SLC44A5: variants seen among roughly 807,000 people sequenced by gnomAD.
The protein encoded by SLC44A5 is solute carrier family 44 member 5.
In SLC44A5, 57 loss-of-function variants were observed where a neutral mutation model predicts 101.8. The ratio of observed to expected loss-of-function variants is 0.56; its 90% CI spans 0.45 to 0.70. The LOEUF is 0.70. Among genes scored for constraint, SLC44A5 ranks in the 30% least tolerant of loss-of-function variants. The pLI is 0.00. For synonymous variants in SLC44A5, 281 were observed against 290.9 expected, an observed-to-expected ratio of 0.97 and a Z score of 0.35; for missense variants, 737 against 853.1, an observed-to-expected ratio of 0.86 and a Z score of 1.70.
At chr1:75,597,737 T>C (rs1377939796) in intron 1 of SLC44A5, among the ~76,000 whole-genome samples, 1 of 152,198 alleles carries the variant, frequency 6.6e-6, no homozygotes, top group African/African-American at 2.4e-5. Context: ...TGGCTAGCCA[T>C]ATGCAGAAGA....
At chr1:75,548,098 A>T (rs1671749508) in intron 1 of SLC44A5, among the ~76,000 whole-genome samples, 1 of 152,164 alleles carries the variant, frequency 6.6e-6, no homozygotes, top group Admixed American at 6.6e-5. Flanking sequence ...TAAAATCCAG[A>T]TTCTGCACAA....
At chr1:75,554,764 G>A (rs967600498) in intron 1 of SLC44A5, among the ~76,000 whole-genome samples, 4 of 151,846 alleles carry the variant, frequency 2.6e-5, no homozygotes, top group African/African-American at 9.7e-5. Context: ...ATAAATTTAG[G>A]GTAGGGTGTA....
chr1:75,398,934 C>A (rs917540170), intron 2 of SLC44A5, among the ~76,000 whole-genome samples: 1 of 151,670 alleles, frequency 6.6e-6, no homozygotes, highest in African/African-American at 2.4e-5. Flanking sequence ...ATTCACCCTG[C>A]CTGCTTATAT....
chr1:75,238,629 C>T lies in SLC44A5; in HGVS notation c.540G>A (p.Gln180=), dbSNP rs1276186720. The change falls in exon 10 of 24, where the codon CAG becomes CAA. Residue 180 remains glutamine, a synonymous_variant. Transcript: ENST00000370859. ...TGGTAGAGAAGTCAGGGAAACATCT[C>T]TGGAGAACTGTAAAAATAAATTAAA... ...TAIFPSKPFL[Q]RCFPDFSTKN... 1.9e-6 allele frequency: 3 copies of T among 1,554,484 alleles called. No individual in the cohort carries two copies. The highest frequency in any genetic ancestry group is 2.4e-5 in the South Asian group (2 of 83,826).
In SLC44A5 at chr1:75,406,200, G is replaced by A. The variant is rs542827054; in HGVS notation, c.14-9579C>T. 1.9e-3 allele frequency among the ~76,000 whole-genome samples: 295 copies of A among 151,972 alleles called. 1 individual carries two copies. The highest frequency in any genetic ancestry group is 0.01 in the Middle Eastern group (3 of 294). On this transcript the variant is annotated intron_variant, in intron 2 of 23. Coordinates refer to ENST00000370859, the MANE Select transcript of SLC44A5 (RefSeq NM_001130058.2). ...CCCTTAATAGACCAATAACAAGTTC[G>A]GAAGTTGAGGCAATAATTAATAGCC...
At chr1:75,574,328 C>T (rs915921090) in intron 1 of SLC44A5, among the ~76,000 whole-genome samples, 19 of 152,264 alleles carry the variant, frequency 1.2e-4, no homozygotes, top group African/African-American at 4.3e-4. Context: ...CTAAACCATG[C>T]TATTTGGCTT....
intron 4 of SLC44A5, among the ~76,000 whole-genome samples, chr1:75,301,788 C>T (rs1184310412): frequency 1.3e-5 from 2 of 152,086 alleles, no homozygotes; most frequent in African/African-American, 4.8e-5. Context: ...ACTTAAGGTA[C>T]GTGAAAGAGG....
intron 5 of SLC44A5, among the ~76,000 whole-genome samples, chr1:75,284,046 G>A (rs1329593740): frequency 6.6e-6 from 1 of 151,972 alleles, no homozygotes; most frequent in East Asian, 1.9e-4. Flanking sequence ...GAAGAATAAT[G>A]GTATTTTGAT....
chr1:75,279,263 T>A (rs540650899), intron 5 of SLC44A5, among the ~76,000 whole-genome samples: 1 of 152,120 alleles, frequency 6.6e-6, no homozygotes. Context: ...TGAGATCCAC[T>A]TTTTTAAGTT....
intron 2 of SLC44A5, among the ~76,000 whole-genome samples, chr1:75,463,337 G>A (rs986549879): frequency 2.0e-4 from 30 of 147,338 alleles, no homozygotes; most frequent in African/African-American, 5.2e-4. Context: ...GGAGAATGGC[G>A]TGAACCTGGG....
chr1:75,214,885 C>T (rs1467014634), intron 19 of SLC44A5, among the ~76,000 whole-genome samples: 2 of 152,126 alleles, frequency 1.3e-5, no homozygotes, highest in Admixed American at 6.6e-5. Context: ...GGTGTGCTTC[C>T]GATACTGTAT....
At chr1:75,227,958 G>T in intron 12 of SLC44A5, 101 bp from the exon 13 acceptor site, 1 of 937,742 alleles carries the variant, frequency 1.1e-6, no homozygotes, top group Non-Finnish European at 1.5e-6. Context: ...GATCAGCATG[G>T]TAATTTCTGC....
At chr1:75,235,362 G>T (rs1002836004) in intron 11 of SLC44A5, among the ~76,000 whole-genome samples, 1 of 151,932 alleles carries the variant, frequency 6.6e-6, no homozygotes, top group African/African-American at 2.4e-5. Context: ...CTTATGAGTG[G>T]TGCCTGGGTG....
intron 3 of SLC44A5, among the ~76,000 whole-genome samples, chr1:75,362,564 G>T (rs754257712): frequency 4.6e-5 from 7 of 151,712 alleles, no homozygotes; most frequent in Admixed American, 1.3e-4. Flanking sequence ...TTACCCATTG[G>T]TTATTCATGA....
chr1:75,596,016 A>T (rs1360916698), intron 1 of SLC44A5, among the ~76,000 whole-genome samples: 1 of 152,196 alleles, frequency 6.6e-6, no homozygotes, highest in Non-Finnish European at 1.5e-5. Context: ...ACATCATTCA[A>T]AAAGAACACT....
chr1:75,605,160 G>C (rs1675248851), intron 1 of SLC44A5, among the ~76,000 whole-genome samples: 1 of 151,956 alleles, frequency 6.6e-6, no homozygotes, highest in African/African-American at 2.4e-5. Context: ...CAGAGAACTA[G>C]CAAATTTACA....
chr1:75,459,853 T>A (rs1360401225), intron 2 of SLC44A5, among the ~76,000 whole-genome samples: 2 of 152,212 alleles, frequency 1.3e-5, no homozygotes, highest in Non-Finnish European at 2.9e-5. Context: ...GGTCTCACTA[T>A]GTTGCCCAGG....
At chr1:75,716,716 C>A in the SLC44A5 span, among the ~76,000 whole-genome samples, 1 of 152,074 alleles carries the variant, frequency 6.6e-6, no homozygotes, top group Non-Finnish European at 1.5e-5. Context: ...ACCTAAATGC[C>A]CATCAACTAT....
At chr1:75,426,417 C>A (rs540562895) in intron 2 of SLC44A5, among the ~76,000 whole-genome samples, 45 of 152,174 alleles carry the variant, frequency 3.0e-4, no homozygotes, top group African/African-American at 1.1e-3. Flanking sequence ...AATCAGAATC[C>A]CTAAGGATGG....
Sources: allele counts gnomAD v4.1 joint callset (sites outside exome capture counted in the v4.1 genomes callset), GRCh38; gene constraint gnomAD v4.1.1; transcripts MANE v1.5; gene names NCBI Gene and HGNC (gene_info 2026-07-23, HGNC 2026-07-21).